Variants in TRIP12 observed in about 807,000 individuals in gnomAD.
The protein encoded by TRIP12 is E3 ubiquitin-protein ligase TRIP12.
A neutral mutation model predicts 244.2 loss-of-function variants in TRIP12; 25 were observed. The observed-to-expected ratio is 0.10, with a 90% CI of 0.07 to 0.14. The LOEUF (loss-of-function observed/expected upper bound fraction) is 0.14, where lower values mean the gene tolerates loss of function less well. TRIP12 is among the 10% of genes least tolerant of loss of function. The pLI, the probability that TRIP12 is intolerant of heterozygous loss-of-function variation, is 1.00. For synonymous variants in TRIP12, 905 were observed against 873.1 expected (o/e 1.04, Z -0.64); for missense variants, 1,677 against 2,486.4 (o/e 0.67, Z 6.92).
intron 32 of TRIP12, 86 bp from the exon 33 acceptor site, chr2:229,787,747 C>T (rs2040441265): frequency 8.3e-7 from 1 of 1,199,320 alleles, no homozygotes; most frequent in Non-Finnish European, 1.1e-6. Context: ...TTAGAAACAA[C>T]TTTTGATATG....
chr2:229,811,874 C>T (rs755337501), intron 13 of TRIP12, among the ~76,000 whole-genome samples: 2 of 152,086 alleles, frequency 1.3e-5, no homozygotes, highest in Admixed American at 6.5e-5. Context: ...CTTGTTTCTA[C>T]AAAAATGAGA....
intron 4 of TRIP12, among the ~76,000 whole-genome samples, chr2:229,853,719 A>C (rs1457773093): frequency 6.6e-6 from 1 of 152,134 alleles, no homozygotes; most frequent in Non-Finnish European, 1.5e-5. Flanking sequence ...CATAACTCTC[A>C]ATTCAACATT....
chr2:229,788,969 T>TAA (rs1336516194), intron 31 of TRIP12, 29 bp from the exon 32 acceptor site: 1 of 1,539,860 alleles, frequency 6.5e-7, no homozygotes, highest in African/African-American at 1.4e-5. Context: ...AAAAAAAGTC[T>TAA]ACATGTAGTA....
At chr2:229,810,747 T>TA in intron 15 of TRIP12, 133 bp downstream of exon 15, 1 of 855,156 alleles carries the variant, frequency 1.2e-6, no homozygotes, top group South Asian at 1.9e-5. Context: ...TTATTACATA[T>TA]TAACACTTTT....
rs1215775637 is a variant in TRIP12, at chr2:229,797,792, T to C, written c.3522A>G (p.Lys1174=). The C allele has an allele frequency of 6.2e-6, 10 of 1,613,974 alleles. No homozygotes were observed. The highest frequency in any genetic ancestry group is 8.5e-6 in the Non-Finnish European group (10 of 1,179,924). ...IKGWIKEQAH[K]FVERYFSSEN... ...CAGAACTGAAATAACGTTCTACAAATTTATGTGCCTGCTCCTTAATCCAAC... is the reference window on the plus strand; with the variant it reads ...CAGAACTGAAATAACGTTCTACAAACTTATGTGCCTGCTCCTTAATCCAAC... The change falls in exon 24 of 42, where the codon AAA becomes AAG. Residue 1174 remains lysine, a synonymous_variant. Transcript: ENST00000675903.
intron 4 of TRIP12, among the ~76,000 whole-genome samples, chr2:229,854,859 A>G (rs552224633): frequency 2.4e-4 from 37 of 152,316 alleles, no homozygotes; most frequent in African/African-American, 7.2e-4. Context: ...TCTGAGATCA[A>G]CTGGCCTGGG....
chr2:229,905,120 C>A (rs2072326142), intron 1 of TRIP12, among the ~76,000 whole-genome samples: 1 of 152,046 alleles, frequency 6.6e-6, no homozygotes, highest in Admixed American at 6.6e-5. Context: ...ACTAAAAATA[C>A]AAAATTAGCT....
At chr2:229,791,284 T>G (rs368134136) in intron 29 of TRIP12, 33 bp from the exon 30 acceptor site, 1 of 1,611,030 alleles carries the variant, frequency 6.2e-7, no homozygotes, top group Non-Finnish European at 8.5e-7. Context: ...AAACCAAATG[T>G]AGATTTTGAA....
intron 1 of TRIP12, among the ~76,000 whole-genome samples, chr2:229,892,921 A>G (rs2067735635): frequency 6.6e-6 from 1 of 152,190 alleles, no homozygotes; most frequent in African/African-American, 2.4e-5. Flanking sequence ...CAGTAAGACT[A>G]CAGCTACCAC....
At position 229,775,770 on chromosome 2, in the gene TRIP12, C is replaced by T. The variant is rs569044072; in HGVS notation, c.5530-1509G>A. On this transcript the variant is annotated intron_variant, in intron 37 of 41. Coordinates refer to ENST00000675903, the MANE Select transcript of TRIP12 (RefSeq NM_001348323.3). ...CCCAGTAGAATCTGAGCCAGGACAACTTGCCCCCATCTGTATATATACTTT... is the reference window on the plus strand; with the variant it reads ...CCCAGTAGAATCTGAGCCAGGACAATTTGCCCCCATCTGTATATATACTTT... 4.6e-5 allele frequency among the ~76,000 whole-genome samples: 7 copies of T among 151,820 alleles called. No homozygotes were observed. In the South Asian group the frequency reaches 1.5e-3, roughly 32 times the overall value.
Position 229,765,820 on chromosome 2 carries a change from G to C in TRIP12, c.*1734C>G, listed in dbSNP as rs1430380301. 1 of 152,158 alleles carries C rather than the reference G, an allele frequency of 6.6e-6. No individual in the cohort carries two copies. The highest frequency in any genetic ancestry group is 6.5e-5 in the Admixed American group (1 of 15,276). 9.4% of individuals were successfully genotyped at this position (152,158 alleles called of 1,614,324 possible). A position where few individuals can be genotyped will look rare whatever the true frequency, so the allele number is the denominator to read the frequency against. The stretch of plus-strand genomic sequence containing the variant: ...ACTGCAGAAACACAATTCCCTTCTT[G>C]GATTTCAGGGAAAAGCCATTCACTT... On this transcript the variant is annotated 3_prime_UTR_variant, in exon 42 of 42. Coordinates refer to ENST00000675903, the MANE Select transcript of TRIP12 (RefSeq NM_001348323.3).
intron 1 of TRIP12, among the ~76,000 whole-genome samples, chr2:229,895,796 G>A (rs2068645297): frequency 6.6e-6 from 1 of 151,724 alleles, no homozygotes; most frequent in Non-Finnish European, 1.5e-5. Flanking sequence ...AGATGCGAGG[G>A]ACCTAACTGA....
intron 4 of TRIP12, among the ~76,000 whole-genome samples, chr2:229,845,834 T>G (rs923775393): frequency 6.7e-6 from 1 of 149,818 alleles, no homozygotes; most frequent in Non-Finnish European, 1.5e-5. Flanking sequence ...GAGACCAGCC[T>G]GGGCAACATA....
chr2:229,799,276 G>C lies in TRIP12; in HGVS notation c.3307+7C>G. ...TTACCTCCCCATAGTTTCATCAAAG[G>C]GGTTACCTTGATTGTCTACTTTGTC... On this transcript the variant is annotated splice_region_variant and intron_variant, in intron 22 of 41. Coordinates refer to ENST00000675903, the MANE Select transcript of TRIP12 (RefSeq NM_001348323.3). 6.2e-7 allele frequency: 1 copy of C among 1,613,846 alleles called. No homozygotes were observed. Among genetic ancestry groups the C allele is most frequent in the Non-Finnish European group, 8.5e-7 (1 of 1,179,794 alleles).
intron 4 of TRIP12, among the ~76,000 whole-genome samples, chr2:229,851,119 G>C (rs117016841): frequency 2.0e-5 from 3 of 152,236 alleles, no homozygotes; most frequent in Non-Finnish European, 4.4e-5. Flanking sequence ...GCGCGGGACC[G>C]GCAGGCAGCT....
Position 229,789,634 on chromosome 2 carries a change from G to T in TRIP12, c.4672C>A (p.Arg1558=). ...ACATCATACAAGTAATACCAGTATC[G>T]ACTGATAGCATGTAAAACTCTTAAA... The part of the protein sequence containing the change: ...LLLRVLHAIS[R]YWYYLYDNAM... Residue 1558 remains arginine (R), a synonymous_variant, in exon 31 of 42, where the codon CGA becomes AGA. Transcript: ENST00000675903. 1 of 1,613,756 alleles carries T rather than the reference G, an allele frequency of 6.2e-7. No homozygotes were observed. The highest frequency in any genetic ancestry group is 1.1e-5 in the South Asian group (1 of 91,012).
chr2:229,767,490 TAGAAA>T lies in TRIP12; in HGVS notation c.*59_*63del. The T allele has an allele frequency of 6.6e-7, 1 of 1,518,148 alleles. No homozygotes were observed. Among genetic ancestry groups the T allele is most frequent in the Middle Eastern group, 1.8e-4 (1 of 5,584 alleles). 94.0% of individuals were successfully genotyped at this position (1,518,148 alleles called of 1,614,324 possible). Reference sequence around the variant, plus strand: ...GTTTCCTTGACTCAGGTGATAACATTAGAAAAGAAATCATGATTTGTTTCTTTTGC... The same window carrying T: ...GTTTCCTTGACTCAGGTGATAACATTAGAAATCATGATTTGTTTCTTTTGC... On this transcript the variant is annotated 3_prime_UTR_variant, in exon 42 of 42. Coordinates refer to ENST00000675903, the MANE Select transcript of TRIP12 (RefSeq NM_001348323.3).
At chr2:229,857,149 A>AG (rs2059730528) in intron 4 of TRIP12, among the ~76,000 whole-genome samples, 6 of 152,244 alleles carry the variant, frequency 3.9e-5, no homozygotes, top group African/African-American at 1.4e-4. Context: ...AGTAGACACT[A>AG]TATACAATCT....
chr2:229,766,703 G>A lies in TRIP12; in HGVS notation c.*851C>T, dbSNP rs1057104431. ...CTCTGGCCACAGAATAATAAATACC[G>A]GCCAGCCCAAGCTGTAGACTTCTTA... On this transcript the variant is annotated 3_prime_UTR_variant, in exon 42 of 42. Coordinates refer to ENST00000675903, the MANE Select transcript of TRIP12 (RefSeq NM_001348323.3). The A allele has an allele frequency of 5.3e-5, 8 of 152,038 alleles. No homozygotes were observed. The highest frequency in any genetic ancestry group is 3.8e-4 in the East Asian group (2 of 5,198). 9.4% of individuals were successfully genotyped at this position (152,038 alleles called of 1,614,324 possible).
Sources: allele counts gnomAD v4.1 joint callset (sites outside exome capture counted in the v4.1 genomes callset), GRCh38; gene constraint gnomAD v4.1.1; transcripts MANE v1.5; gene names NCBI Gene and HGNC (gene_info 2026-07-23, HGNC 2026-07-21).